The following SPECC1 variants were observed in gnomAD, a reference collection of about 807,000 sequenced individuals.
The protein encoded by SPECC1 is cytospin-B.
Under a neutral mutation model 104.1 loss-of-function variants are expected in SPECC1, and 62 were observed. The observed-to-expected ratio is 0.60, with a 90% confidence interval of 0.49 to 0.74. The LOEUF (loss-of-function observed/expected upper bound fraction) is 0.74. SPECC1 is among the 30% of genes least tolerant of loss of function. SPECC1 has a pLI of 0.00. For missense variants in SPECC1, 1,306 were observed against 1,310.5 expected (o/e 1.00, Z 0.05); for synonymous variants, 513 against 501.6 (o/e 1.02, Z -0.30).
intron 2 of SPECC1, among the ~76,000 whole-genome samples, chr17:20,106,425 G>T (rs2048200442): frequency 6.6e-6 from 1 of 152,156 alleles, no homozygotes; most frequent in Non-Finnish European, 1.5e-5. Flanking sequence ...CTCTAAGAAG[G>T]GTAGTAGTGT....
Position 20,294,448 on chromosome 17 carries a change from G to A in SPECC1, c.2941-2513G>A, listed in dbSNP as rs144515905. 3.9e-5 allele frequency among the ~76,000 whole-genome samples: 6 copies of A among 152,302 alleles called. No homozygotes were observed. In the East Asian group the frequency reaches 9.7e-4, roughly 25 times the overall value. ...ACGGGTTTTCTTTTCCCCCTGAGAA[G>A]CCTCCTACATTGTGGGGAGAAGAGT... On this transcript the variant is annotated intron_variant, in intron 12 of 14. Transcript: ENST00000395527.
chr17:20,031,917 G>C (rs1435912809), intron 1 of SPECC1, among the ~76,000 whole-genome samples: 1 of 152,172 alleles, frequency 6.6e-6, no homozygotes, highest in Non-Finnish European at 1.5e-5. Flanking sequence ...CCCTTGGGTT[G>C]CTTCTACCTT....
intron 1 of SPECC1, among the ~76,000 whole-genome samples, chr17:20,091,808 C>T (rs1017376856): frequency 6.6e-6 from 1 of 152,184 alleles, no homozygotes; most frequent in African/African-American, 2.4e-5. Flanking sequence ...CCTGAGTGCC[C>T]TCTCCCACTC....
intron 3 of SPECC1, among the ~76,000 whole-genome samples, chr17:20,122,479 T>C (rs965610747): frequency 6.6e-6 from 1 of 152,150 alleles, no homozygotes; most frequent in Non-Finnish European, 1.5e-5. Context: ...ACTTTCCTGG[T>C]TTTTGAATTG....
chr17:20,286,179 A>T (rs1203649947), intron 12 of SPECC1, among the ~76,000 whole-genome samples: 2 of 152,176 alleles, frequency 1.3e-5, no homozygotes, highest in South Asian at 2.1e-4. Flanking sequence ...TCTAGAAAGC[A>T]CAGCATTCAG....
rs145743421 is a variant in SPECC1 at position 20,232,380 on chromosome 17, G to A, written c.2326G>A (p.Val776Met). Residue 776 changes from valine to methionine, a missense_variant, in exon 7 of 15, where the codon GTG becomes ATG. Val to Met is a conservative substitution (Grantham distance 21). Around this residue, in one of 2 missense-constraint regions of SPECC1, gnomAD observed 1,177 missense variants for 1,139.9 expected, o/e 1.03. Coordinates refer to ENST00000395527, the MANE Select transcript of SPECC1 (RefSeq NM_001243439.2). ...GGGGGATGTGCAGGGCCACGGCAGG[G>A]TGGTCACCAGCAGAGCCGCCCCTCC... ...ELGDVQGHGR[V>M]VTSRAAPPPV... is the part of the protein sequence containing the mutation. 1.1e-3 allele frequency: 1,812 copies of A among 1,612,464 alleles called. 21 individuals are homozygous for A. The Middle Eastern group carries it at 0.019, about 17-fold the overall frequency.
At position 20,318,064 on chromosome 17, in the gene SPECC1, A is replaced by C. The variant is rs924522113; in HGVS notation, c.*3999A>C. 76 of 231,180 alleles carry C rather than the reference A, an allele frequency of 3.3e-4. No individual in the cohort carries two copies. Among genetic ancestry groups the C allele is most frequent in the African/African-American group, 9.3e-4 (42 of 45,332 alleles). The allele number at this position is 231,180 out of a possible 1,614,324, so 14.3% of individuals were successfully genotyped here. On this transcript the variant is annotated 3_prime_UTR_variant, in exon 15 of 15. Coordinates refer to ENST00000395527, the MANE Select transcript of SPECC1 (RefSeq NM_001243439.2). ...GCCATTCCCAGTTTCTGTCCTGAGG[A>C]TTTCAAAGACCACAACAGCCACATT...
chr17:20,081,862 A>G (rs1218943579), intron 1 of SPECC1, among the ~76,000 whole-genome samples: 1 of 152,050 alleles, frequency 6.6e-6, no homozygotes, highest in Non-Finnish European at 1.5e-5. Flanking sequence ...GCTGCCCCCA[A>G]AGCCACCCCA....
chr17:20,169,858 G>A (rs944358202), intron 3 of SPECC1, among the ~76,000 whole-genome samples: 2 of 152,122 alleles, frequency 1.3e-5, no homozygotes, highest in African/African-American at 4.8e-5. Context: ...TCTTGAATGT[G>A]TTGCGCCAAT....
At chr17:20,180,746 C>A (rs151322197) in intron 3 of SPECC1, among the ~76,000 whole-genome samples, 3 of 152,190 alleles carry the variant, frequency 2.0e-5, no homozygotes, top group Admixed American at 2.0e-4. Context: ...TGCTTGCAGC[C>A]TGCCAGTTTT....
intron 1 of SPECC1, among the ~76,000 whole-genome samples, chr17:20,061,908 C>G (rs2046196853): frequency 6.6e-6 from 1 of 152,042 alleles, no homozygotes. Flanking sequence ...TCTATTTTTC[C>G]TTTTTCTTAC....
At chr17:20,228,949 T>A (rs2038402925) in intron 5 of SPECC1, among the ~76,000 whole-genome samples, 1 of 152,200 alleles carries the variant, frequency 6.6e-6, no homozygotes, top group Non-Finnish European at 1.5e-5. Flanking sequence ...CCCCATGCAG[T>A]CGATCCTCCT....
Position 20,232,378 on chromosome 17 carries a change from G to C in SPECC1, c.2324G>C (p.Arg775Thr). 1 of 1,612,838 alleles carries C rather than the reference G, an allele frequency of 6.2e-7. No homozygotes were observed. Among genetic ancestry groups the C allele is most frequent in the Non-Finnish European group, 8.5e-7 (1 of 1,179,352 alleles). Residue 775 changes from arginine to threonine, a missense_variant, in exon 7 of 15, where the codon AGG (arginine) becomes ACG (threonine). Physicochemically the swap from Arg to Thr is moderately conservative, Grantham distance 71. Coordinates refer to ENST00000395527, the MANE Select transcript of SPECC1 (RefSeq NM_001243439.2). ...KELGDVQGHG[R>T]VVTSRAAPPP... ...CTGGGGGATGTGCAGGGCCACGGCAGGGTGGTCACCAGCAGAGCCGCCCCT... is the reference window on the plus strand; with the variant it reads ...CTGGGGGATGTGCAGGGCCACGGCACGGTGGTCACCAGCAGAGCCGCCCCT...
intron 2 of SPECC1, among the ~76,000 whole-genome samples, chr17:20,107,487 T>C (rs118011634): frequency 0.032 from 4,770 of 148,582 alleles, 118 homozygotes; most frequent in Middle Eastern, 0.065. Context: ...TTGAGATGGA[T>C]AGACTGTTTG....
chr17:20,118,200 C>T (rs893307032), intron 3 of SPECC1, among the ~76,000 whole-genome samples: 2 of 152,112 alleles, frequency 1.3e-5, no homozygotes, highest in Non-Finnish European at 2.9e-5. Flanking sequence ...AACAGTTTAT[C>T]ATTTCTGGTG....
chr17:20,041,816 G>A (rs1032296240), intron 1 of SPECC1, among the ~76,000 whole-genome samples: 14 of 151,178 alleles, frequency 9.3e-5, no homozygotes, highest in South Asian at 4.2e-4. Flanking sequence ...TAGTAGAGAC[G>A]GGGTTTCACC....
chr17:20,145,748 G>A (rs1464086415), intron 3 of SPECC1, among the ~76,000 whole-genome samples: 2 of 152,182 alleles, frequency 1.3e-5, no homozygotes, highest in Non-Finnish European at 2.9e-5. Flanking sequence ...CTAAGAACAG[G>A]CCACCTTCTC....
chr17:20,099,649 C>T (rs986419642), intron 2 of SPECC1, among the ~76,000 whole-genome samples: 10 of 135,542 alleles, frequency 7.4e-5, no homozygotes, highest in Non-Finnish European at 1.2e-4. Flanking sequence ...CAGCCAAGAG[C>T]GCACCACTGC....
At chr17:20,040,635 A>G (rs1303629927) in intron 1 of SPECC1, among the ~76,000 whole-genome samples, 2 of 152,194 alleles carry the variant, frequency 1.3e-5, no homozygotes, top group Non-Finnish European at 2.9e-5. Context: ...TCAGCACTTG[A>G]AAACCATTGT....
Sources: allele counts gnomAD v4.1 joint callset (sites outside exome capture counted in the v4.1 genomes callset), GRCh38; gene constraint gnomAD v4.1.1; regional missense constraint gnomAD v4.1.1; transcripts MANE v1.5; gene names NCBI Gene and HGNC (gene_info 2026-07-23, HGNC 2026-07-21).